The following CHL1 variants were observed in gnomAD, a reference collection of about 807,000 sequenced individuals.
The protein encoded by CHL1 is neural cell adhesion molecule L1-like protein.
In CHL1, 96 loss-of-function variants were observed where a neutral mutation model predicts 141.9. The ratio of observed to expected loss-of-function variants is 0.68; its 90% confidence interval spans 0.57 to 0.80. CHL1 has a LOEUF of 0.80. Ranked by LOEUF, CHL1 falls within the 30% of genes least tolerant of loss-of-function variation. The probability of loss-of-function intolerance (pLI) is 0.00; values close to 1 mark genes in which losing one functional copy is unlikely to be tolerated. For synonymous variants in CHL1, 613 were observed against 502.2 expected (o/e 1.22, Z -2.95); for missense variants, 1,820 against 1,457.2 (o/e 1.25, Z -4.05).
intron 2 of CHL1, among the ~76,000 whole-genome samples, chr3:244,973 G>C (rs556421273): frequency 6.6e-6 from 1 of 151,960 alleles, no homozygotes; most frequent in Non-Finnish European, 1.5e-5. Flanking sequence ...ATTTGAAAGT[G>C]GCATATTTAT....
intron 2 of CHL1, among the ~76,000 whole-genome samples, chr3:245,562 A>ATGGT (rs1205680967): frequency 1.3e-5 from 2 of 152,278 alleles, no homozygotes; most frequent in East Asian, 3.9e-4. Flanking sequence ...TGATGAAAGA[A>ATGGT]TGGTTTTCTT....
At chr3:390,893 A>T in intron 21 of CHL1, 62 bp from the exon 22 acceptor site, 1 of 1,515,470 alleles carries the variant, frequency 6.6e-7, no homozygotes, top group South Asian at 1.1e-5. Flanking sequence ...TGATTTCAGA[A>T]GAAGTCAAAG....
intron 5 of CHL1, among the ~76,000 whole-genome samples, chr3:328,982 G>C (rs1053959775): frequency 6.6e-6 from 1 of 152,136 alleles, no homozygotes; most frequent in Non-Finnish European, 1.5e-5. Flanking sequence ...TAGGAAAGGA[G>C]AAACAGCTAT....
At chr3:310,382 C>A (rs966345029) in intron 2 of CHL1, among the ~76,000 whole-genome samples, 1 of 152,034 alleles carries the variant, frequency 6.6e-6, no homozygotes, top group Admixed American at 6.6e-5. Context: ...AGTGATTTCA[C>A]CACTGCTGTT....
Position 326,001 on chromosome 3 carries a change from T to G in CHL1, c.134T>G (p.Val45Gly). 6.2e-7 allele frequency: 1 copy of G among 1,612,012 alleles called. No homozygotes were observed. The highest frequency in any genetic ancestry group is 8.5e-7 in the Non-Finnish European group (1 of 1,178,736). Residue 45 changes from valine to glycine, a missense_variant, in exon 4 of 28, where the codon GTT becomes GGT. Transcript: ENST00000256509. ...ATCATAAAACAGTCAAAAGTCCAAG[T>G]TGCCTTTCCCTTCGATGAGTATTTT... is the stretch of plus-strand genomic sequence containing the variant. Reference protein sequence around the residue: ...PTIIKQSKVQVAFPFDEYFQI... With the variant: ...PTIIKQSKVQGAFPFDEYFQI...
chr3:336,106 G>A (rs966445818), intron 5 of CHL1, among the ~76,000 whole-genome samples: 1 of 152,176 alleles, frequency 6.6e-6, no homozygotes, highest in Non-Finnish European at 1.5e-5. Flanking sequence ...AGAGAAGCCA[G>A]GACGCAGGCC....
chr3:302,554 A>G (rs7615038), intron 2 of CHL1, among the ~76,000 whole-genome samples: 88,157 of 152,080 alleles, frequency 0.58, 28,076 homozygotes, highest in African/African-American at 0.85. Context: ...CTTTTGAGAA[A>G]TGTCTGTTCA....
intron 24 of CHL1, among the ~76,000 whole-genome samples, chr3:396,319 C>G (rs1575288068): frequency 6.6e-6 from 1 of 152,138 alleles, no homozygotes. Flanking sequence ...TGGTAGTAGT[C>G]CAAACATGCA....
rs1574967756 is a variant in CHL1 at position 288,351 on chromosome 3, C to T, written c.-94-31332C>T. 3.8e-5 allele frequency among the ~76,000 whole-genome samples: 5 copies of T among 131,242 alleles called. No homozygotes were observed. The South Asian group carries it at 8.1e-4, about 21-fold the overall frequency. 86.1% of individuals were successfully genotyped at this position (131,242 alleles called of 152,430 possible). A position where few individuals can be genotyped will look rare whatever the true frequency, so the allele number is the denominator to read the frequency against. ...AACACATGTCGAATTTACATATATA[C>T]AGGCATAATTTACATATATGCATAT... is the stretch of plus-strand genomic sequence containing the variant. On this transcript the variant is annotated intron_variant, in intron 2 of 27. Coordinates refer to ENST00000256509, the MANE Select transcript of CHL1 (RefSeq NM_006614.4).
chr3:350,895 G>T (rs3773395), intron 10 of CHL1, among the ~76,000 whole-genome samples: 41,617 of 152,066 alleles, frequency 0.27, 6,231 homozygotes, highest in East Asian at 0.39. Context: ...AGAAGAGTTT[G>T]AAAGATTTAT....
chr3:317,388 G>A (rs1397481645), intron 2 of CHL1, among the ~76,000 whole-genome samples: 1 of 151,820 alleles, frequency 6.6e-6, no homozygotes, highest in Non-Finnish European at 1.5e-5. Context: ...CACTTATTTG[G>A]CTATCTAGTT....
At chr3:215,311 C>G (rs1276530489) in intron 1 of CHL1, among the ~76,000 whole-genome samples, 1 of 152,102 alleles carries the variant, frequency 6.6e-6, no homozygotes, top group Non-Finnish European at 1.5e-5. Context: ...AAGCAAGGCA[C>G]AGAAAGACTA....
chr3:323,940 G>A (rs950289778), intron 3 of CHL1, among the ~76,000 whole-genome samples: 5 of 151,898 alleles, frequency 3.3e-5, no homozygotes, highest in Non-Finnish European at 5.9e-5. Flanking sequence ...AATATTTAAA[G>A]GTTTTCATAA....
chr3:404,047 T>C (rs1709346361), intron 27 of CHL1, among the ~76,000 whole-genome samples: 1 of 152,210 alleles, frequency 6.6e-6, no homozygotes, highest in Non-Finnish European at 1.5e-5. Flanking sequence ...TCCAAAAGCA[T>C]TTTCTTTCTC....
At chr3:207,400 G>GT (rs1699533231) in intron 1 of CHL1, among the ~76,000 whole-genome samples, 1 of 152,180 alleles carries the variant, frequency 6.6e-6, no homozygotes, top group African/African-American at 2.4e-5. Flanking sequence ...TTCTCAAGAA[G>GT]TAAGTTTATT....
At chr3:332,922 G>A (rs1300262409) in intron 5 of CHL1, among the ~76,000 whole-genome samples, 1 of 152,018 alleles carries the variant, frequency 6.6e-6, no homozygotes, top group East Asian at 1.9e-4. Flanking sequence ...GCAGCAGCTA[G>A]ATCTATTGCA....
At chr3:334,365 A>G (rs979117196) in intron 5 of CHL1, among the ~76,000 whole-genome samples, 3 of 152,028 alleles carry the variant, frequency 2.0e-5, no homozygotes, top group Non-Finnish European at 4.4e-5. Flanking sequence ...TTTTTTAGTG[A>G]AGTATCATTA....
In CHL1 at chr3:389,483, T is replaced by G; in HGVS notation, c.2470+9T>G. The G allele has an allele frequency of 6.2e-7, 1 of 1,605,184 alleles. No individual in the cohort carries two copies. The highest frequency in any genetic ancestry group is 8.5e-7 in the Non-Finnish European group (1 of 1,172,138). The stretch of plus-strand genomic sequence containing the variant: ...CTATTCTGGAGAAGACTGTAAGTGA[T>G]GCACCTAAAACTGCTAAGCACGTCA... On this transcript the variant is annotated intron_variant, in intron 20 of 27. Coordinates refer to ENST00000256509, the MANE Select transcript of CHL1 (RefSeq NM_006614.4).
At chr3:265,430 C>T (rs1350158202) in intron 2 of CHL1, among the ~76,000 whole-genome samples, 3 of 152,190 alleles carry the variant, frequency 2.0e-5, no homozygotes, top group Non-Finnish European at 4.4e-5. Flanking sequence ...TCTTACTGAT[C>T]ACTGTAACTC....
Sources: allele counts gnomAD v4.1 joint callset (sites outside exome capture counted in the v4.1 genomes callset), GRCh38; gene constraint gnomAD v4.1.1; transcripts MANE v1.5; gene names NCBI Gene and HGNC (gene_info 2026-07-23, HGNC 2026-07-21).